Variants in FANCL observed in about 807,000 individuals in gnomAD.
FANCL encodes the protein E3 ubiquitin-protein ligase FANCL.
In FANCL, 69 loss-of-function variants were observed where a neutral mutation model predicts 59.4. That is an observed-to-expected ratio of 1.16 (90% CI 0.96 to 1.42). The LOEUF is 1.42. Ranked by LOEUF, FANCL falls within the 40% of genes most tolerant of loss-of-function variation. FANCL has a pLI of 0.00. For missense variants in FANCL, 519 were observed against 447.2 expected (o/e 1.16, Z -1.45); for synonymous variants, 180 against 147.1 (o/e 1.22, Z -1.62).
At chr2:58,228,025 T>A (rs1474290579) in intron 3 of FANCL, among the ~76,000 whole-genome samples, 1 of 152,126 alleles carries the variant, frequency 6.6e-6, no homozygotes, top group East Asian at 1.9e-4. Context: ...ATTTTTAAAA[T>A]CTAGTGGCAG....
rs1481927251 is a variant in FANCL, at chr2:58,221,884, C to T, written c.374+58G>A. ...GTATAAACTGCTAAAACTAGAAATACATTAAGTTAAAATATATAAAACAAA... is the reference window on the plus strand; with the variant it reads ...GTATAAACTGCTAAAACTAGAAATATATTAAGTTAAAATATATAAAACAAA... On this transcript the variant is annotated intron_variant, in intron 5 of 13. Coordinates refer to ENST00000233741, the MANE Select transcript of FANCL (RefSeq NM_018062.4). The T allele has an allele frequency of 3.3e-6, 4 of 1,227,802 alleles. No individual in the cohort carries two copies. The African/African-American group carries it at 4.5e-5, about 14-fold the overall frequency. 76.1% of individuals were successfully genotyped at this position (1,227,802 alleles called of 1,614,324 possible). A position where few individuals can be genotyped will look rare whatever the true frequency, so the allele number is the denominator to read the frequency against.
At chr2:58,164,675 A>G (rs970505428) in intron 8 of FANCL, among the ~76,000 whole-genome samples, 6 of 152,020 alleles carry the variant, frequency 3.9e-5, no homozygotes, top group African/African-American at 1.4e-4. Flanking sequence ...AGTATATTTA[A>G]TCATAACCTG....
chr2:58,223,109 C>A (rs2103774597), intron 4 of FANCL, among the ~76,000 whole-genome samples: 1 of 149,962 alleles, frequency 6.7e-6, no homozygotes, highest in African/African-American at 2.5e-5. Context: ...ACGGGAACTA[C>A]TTCAATTTCG....
At chr2:58,171,108 C>G (rs1259657429) in intron 7 of FANCL, among the ~76,000 whole-genome samples, 2 of 152,136 alleles carry the variant, frequency 1.3e-5, no homozygotes, top group African/African-American at 2.4e-5. Flanking sequence ...TCTTTTAAAA[C>G]TGATCACAAA....
chr2:58,213,213 A>C (rs1691352604), intron 5 of FANCL, among the ~76,000 whole-genome samples: 1 of 152,212 alleles, frequency 6.6e-6, no homozygotes, highest in Non-Finnish European at 1.5e-5. Context: ...CATGCAAATC[A>C]TTGTGTGTGT....
intron 7 of FANCL, among the ~76,000 whole-genome samples, chr2:58,184,977 C>A (rs1688263855): frequency 6.6e-6 from 1 of 152,094 alleles, no homozygotes. Context: ...TTTAAAAAAT[C>A]TATTTGTTGG....
chr2:58,170,123 G>C (rs1686417102), intron 7 of FANCL, among the ~76,000 whole-genome samples: 1 of 152,156 alleles, frequency 6.6e-6, no homozygotes, highest in African/African-American at 2.4e-5. Flanking sequence ...AAAATGTTAA[G>C]GGCAGCCAGA....
rs1176815262 is a variant in FANCL, at chr2:58,159,336, ATTTTT to A, written c.*424_*428del. 7 of 1,579,822 alleles carry A rather than the reference ATTTTT, an allele frequency of 4.4e-6. No homozygotes were observed. The highest frequency in any genetic ancestry group is 6.0e-6 in the Non-Finnish European group (7 of 1,165,900). ...GTCTAACAAACTAAACTATATATGT[ATTTTT>A]TCCATAGGAAAGCACAAGGAGAAGA... On this transcript the variant is annotated 3_prime_UTR_variant, in exon 14 of 14. Coordinates refer to ENST00000233741, the MANE Select transcript of FANCL (RefSeq NM_018062.4).
intron 7 of FANCL, among the ~76,000 whole-genome samples, chr2:58,171,147 G>A (rs1173609877): frequency 6.6e-6 from 1 of 152,104 alleles, no homozygotes; most frequent in Non-Finnish European, 1.5e-5. Context: ...TTCAGCAAAT[G>A]CAAAAGGATG....
At chr2:58,185,570 C>G (rs1553443713) in intron 7 of FANCL, among the ~76,000 whole-genome samples, 1 of 152,120 alleles carries the variant, frequency 6.6e-6, no homozygotes, top group Non-Finnish European at 1.5e-5. Flanking sequence ...CACTGAAGCA[C>G]CATCAGTTGC....
chr2:58,167,062 A>G (rs1037376473), intron 7 of FANCL, among the ~76,000 whole-genome samples: 23 of 152,212 alleles, frequency 1.5e-4, no homozygotes, highest in African/African-American at 5.5e-4. Context: ...AAATACAAAA[A>G]TTAGCTGGGC....
At chr2:58,201,212 T>C (rs1422407059) in intron 6 of FANCL, among the ~76,000 whole-genome samples, 3 of 151,488 alleles carry the variant, frequency 2.0e-5, no homozygotes, top group Non-Finnish European at 4.4e-5. Context: ...ATAAAACCAC[T>C]GACAACTAAT....
chr2:58,177,879 A>G (rs1186241700), intron 7 of FANCL, among the ~76,000 whole-genome samples: 3 of 152,030 alleles, frequency 2.0e-5, no homozygotes. Context: ...AGAATCAAAT[A>G]GACACAATAA....
chr2:58,219,898 T>C (rs1692300684), intron 5 of FANCL, among the ~76,000 whole-genome samples: 1 of 152,124 alleles, frequency 6.6e-6, no homozygotes, highest in African/African-American at 2.4e-5. Context: ...GCTATTATCA[T>C]ACAATGGAAG....
intron 7 of FANCL, among the ~76,000 whole-genome samples, chr2:58,172,348 C>T (rs1284073056): frequency 2.6e-5 from 4 of 152,178 alleles, no homozygotes; most frequent in East Asian, 1.9e-4. Flanking sequence ...TGGGAGGCAC[C>T]GCCCAGTAGG....
chr2:58,222,151 G>A, intron 4 of FANCL, 109 bp from the exon 5 acceptor site: 2 of 763,536 alleles, frequency 2.6e-6, no homozygotes, highest in South Asian at 1.7e-5. Context: ...TAATAAAAGT[G>A]CCTGTTTTTT....
intron 1 of FANCL, among the ~76,000 whole-genome samples, chr2:58,238,800 A>G (rs1694254754): frequency 6.6e-6 from 1 of 152,180 alleles, no homozygotes; most frequent in Non-Finnish European, 1.5e-5. Flanking sequence ...TGCATAGTAA[A>G]TTGACATCAT....
At chr2:58,175,012 G>A (rs1360623481) in intron 7 of FANCL, among the ~76,000 whole-genome samples, 1 of 152,030 alleles carries the variant, frequency 6.6e-6, no homozygotes, top group Non-Finnish European at 1.5e-5. Flanking sequence ...ACACCTCTAT[G>A]CAAATAAACT....
At chr2:58,191,563 T>C (rs1273646176) in intron 7 of FANCL, among the ~76,000 whole-genome samples, 1 of 151,906 alleles carries the variant, frequency 6.6e-6, no homozygotes, top group Non-Finnish European at 1.5e-5. Flanking sequence ...GACCATGATT[T>C]TTCATTAATC....
Sources: gnomAD v4.1 joint callset for allele counts (sites outside exome capture counted in the v4.1 genomes callset) on GRCh38, gnomAD v4.1.1 for gene constraint, MANE v1.5 for transcripts, NCBI Gene and HGNC (gene_info 2026-07-23, HGNC 2026-07-21) for gene names.